The following SPATC1L variants were observed in gnomAD, a reference collection of about 807,000 sequenced individuals.
The protein encoded by SPATC1L is speriolin-like protein.
A neutral mutation model predicts 21.2 loss-of-function variants in SPATC1L; 20 were observed. The ratio of observed to expected loss-of-function variants is 0.94; its 90% confidence interval spans 0.66 to 1.37. SPATC1L has a LOEUF of 1.37. SPATC1L is among the 40% of genes most tolerant of loss of function. The probability of loss-of-function intolerance (pLI) is 0.00; values close to 1 mark genes in which losing one functional copy is unlikely to be tolerated. For synonymous variants in SPATC1L, 290 were observed against 234.5 expected (o/e 1.24, Z -2.16); for missense variants, 499 against 478.7 (o/e 1.04, Z -0.40).
chr21:46,169,483 TG>T (rs1232776419), intron 2 of SPATC1L, among the ~76,000 whole-genome samples: 4 of 129,590 alleles, frequency 3.1e-5, no homozygotes, highest in African/African-American at 1.3e-4. Context: ...TCCTGCTCTG[TG>T]AGCATCCTCT....
Position 46,161,579 on chromosome 21 carries a change from T to C in SPATC1L, c.823A>G (p.Ser275Gly), listed in dbSNP as rs949595534. 4 of 1,610,326 alleles carry C rather than the reference T, an allele frequency of 2.5e-6. No individual in the cohort carries two copies. The highest frequency in any genetic ancestry group is 3.4e-6 in the Non-Finnish European group (4 of 1,178,974). The change falls in exon 5 of 5, where the codon AGC (serine) becomes GGC (glycine). Residue 275 changes from serine (S) to glycine (G), a missense_variant. By Grantham distance (56) the Ser-to-Gly change is moderately conservative. Transcript: ENST00000291672. ...CCGTAGGTGTTGATGAGGAACTCGCTGAACGCCGGGTGCACGTCGCGGCTG... is the reference window on the plus strand; with the variant it reads ...CCGTAGGTGTTGATGAGGAACTCGCCGAACGCCGGGTGCACGTCGCGGCTG... ...GYSRDVHPAF[S>G]EFLINTYGIL...
At chr21:46,163,788 C>T (rs1250133250) in intron 3 of SPATC1L, among the ~76,000 whole-genome samples, 1 of 152,142 alleles carries the variant, frequency 6.6e-6, no homozygotes, top group African/African-American at 2.4e-5. Flanking sequence ...TCAATGTTCT[C>T]CTTTTTCAAG....
intron 3 of SPATC1L, among the ~76,000 whole-genome samples, chr21:46,167,052 A>C (rs2079546051): frequency 6.6e-6 from 1 of 152,208 alleles, no homozygotes. Flanking sequence ...AAAATCAAAA[A>C]AATTGAAATT....
chr21:46,162,829 C>T (rs1470428482), intron 3 of SPATC1L, among the ~76,000 whole-genome samples: 7 of 152,176 alleles, frequency 4.6e-5, no homozygotes, highest in South Asian at 4.1e-4. Flanking sequence ...TCAGGTGATC[C>T]GCCCACCTCA....
intron 2 of SPATC1L, among the ~76,000 whole-genome samples, chr21:46,178,584 T>C (rs545754160): frequency 6.6e-6 from 1 of 152,136 alleles, no homozygotes; most frequent in South Asian, 2.1e-4. Context: ...AACTTAAAAG[T>C]TTTTTAAAAA....
At position 46,182,704 on chromosome 21, in the gene SPATC1L, C is replaced by G; in HGVS notation, c.113G>C (p.Ser38Thr). The change falls in exon 2 of 5, where the codon AGC (serine) becomes ACC (threonine). Residue 38 changes from serine to threonine, a missense_variant. Coordinates refer to ENST00000291672, the MANE Select transcript of SPATC1L (RefSeq NM_001142854.2). Reference protein sequence around the residue: ...NQMLRRLLSQSCQEGGGHDLL... With the variant: ...NQMLRRLLSQTCQEGGGHDLL... The stretch of plus-strand genomic sequence containing the variant: ...GTCGTGGCCGCCGCCCTCCTGGCAG[C>G]TCTGGCTGAGCAGCCGCCGCAGCAT... 1 of 1,545,538 alleles carries G rather than the reference C, an allele frequency of 6.5e-7. No homozygotes were observed. The highest frequency in any genetic ancestry group is 1.2e-5 in the South Asian group (1 of 83,910).
rs560027703 is a variant in SPATC1L, at chr21:46,170,884, T to A, written c.194-2226A>T. Among the ~76,000 whole-genome samples the A allele has an allele frequency of 6.0e-3, 890 of 149,160 alleles. 3 individuals are homozygous for A. Among genetic ancestry groups the A allele is most frequent in the African/African-American group, 0.021 (845 of 39,408 alleles). On this transcript the variant is annotated intron_variant, in intron 2 of 4. Transcript: ENST00000291672. ...TGGATGGGGAGGAGCCTCCCTGCTC[T>A]GTGAACATCCTCTGTGGATGGGGAG...
intron 2 of SPATC1L, among the ~76,000 whole-genome samples, chr21:46,179,993 G>A (rs2079660215): frequency 1.3e-5 from 2 of 152,254 alleles, no homozygotes; most frequent in African/African-American, 4.8e-5. Context: ...GTGGGGTGTA[G>A]GGACCGTTCA....
chr21:46,168,346 G>A lies in SPATC1L; in HGVS notation c.506C>T (p.Pro169Leu). The change falls in exon 3 of 5, where the codon CCC becomes CTC. Residue 169 changes from proline to leucine, a missense_variant. Coordinates refer to ENST00000291672, the MANE Select transcript of SPATC1L (RefSeq NM_001142854.2). ...GCTCCTCCTGGTCCTGTCCCCGGTG[G>A]GCAGGCTGCTCTCCGAGAAACACAC... The part of the protein sequence containing the change: ...KKVCFSESSL[P>L]TGDRTRRSYY... 1.2e-6 allele frequency: 2 copies of A among 1,600,466 alleles called. No individual in the cohort carries two copies. The highest frequency in any genetic ancestry group is 2.2e-5 in the East Asian group (1 of 44,474).
intron 3 of SPATC1L, among the ~76,000 whole-genome samples, chr21:46,162,373 C>T (rs1205327109): frequency 6.6e-6 from 1 of 152,044 alleles, no homozygotes; most frequent in East Asian, 1.9e-4. Context: ...TCGGCCCCTG[C>T]GAGGACAGAG....
At position 46,171,939 on chromosome 21, in the gene SPATC1L, G is replaced by GAA. The variant is rs66628257; in HGVS notation, c.194-3283_194-3282dup. The stretch of plus-strand genomic sequence containing the variant: ...CAAATTCCTACAAAGATAACCCCCA[G>GAA]AAAAAAAAAAAAAAAAAAAAAAACC... On this transcript the variant is annotated intron_variant, in intron 2 of 4. Coordinates refer to ENST00000291672, the MANE Select transcript of SPATC1L (RefSeq NM_001142854.2). Among the ~76,000 whole-genome samples, 530 of 67,778 alleles carry GAA rather than the reference G, an allele frequency of 7.8e-3. 18 individuals carry two copies. The highest frequency in any genetic ancestry group is 0.027 in the African/African-American group (488 of 17,984). The allele number at this position is 67,778 out of a possible 152,430, so 44.5% of individuals were successfully genotyped here.
chr21:46,178,094 T>A (rs772366215), intron 2 of SPATC1L, among the ~76,000 whole-genome samples: 3 of 151,954 alleles, frequency 2.0e-5, no homozygotes, highest in Non-Finnish European at 4.4e-5. Flanking sequence ...TAGCTGGGCA[T>A]GGTGGTGCAT....
chr21:46,173,056 A>G (rs13046028), intron 2 of SPATC1L, among the ~76,000 whole-genome samples: 143,228 of 152,274 alleles, frequency 0.94, 67,458 homozygotes, highest in East Asian at 1. Flanking sequence ...CAGCTGAAGC[A>G]GAACCCAGAG....
chr21:46,167,008 T>C (rs906714721), intron 3 of SPATC1L, among the ~76,000 whole-genome samples: 5 of 152,204 alleles, frequency 3.3e-5, no homozygotes, highest in South Asian at 2.1e-4. Context: ...TTCTCAAGGA[T>C]AGACCATATG....
At chr21:46,168,703 A>G (rs2079559837) in intron 2 of SPATC1L, 45 bp from the exon 3 acceptor site, 1 of 1,266,178 alleles carries the variant, frequency 7.9e-7, no homozygotes, top group African/African-American at 1.5e-5. Context: ...TGATGCTCCT[A>G]AAACATTCCT....
At chr21:46,179,116 C>A (rs1490237528) in intron 2 of SPATC1L, among the ~76,000 whole-genome samples, 1 of 151,434 alleles carries the variant, frequency 6.6e-6, no homozygotes, top group Non-Finnish European at 1.5e-5. Flanking sequence ...CTCATGGTGG[C>A]AAGCACTGTA....
Position 46,168,539 on chromosome 21 carries a change from C to A in SPATC1L, c.313G>T (p.Gly105Cys). 6.6e-7 allele frequency: 1 copy of A among 1,517,240 alleles called. No individual in the cohort carries two copies. The highest frequency in any genetic ancestry group is 8.9e-7 in the Non-Finnish European group (1 of 1,121,272). The allele number at this position is 1,517,240 out of a possible 1,614,324, so 94.0% of individuals were successfully genotyped here. ...PLSSEDDTSP[G>C]CAAPSQAPFK... ...GGTGCCTGGGAGGGGGCTGCACAGC[C>A]CGGGGAGGTGTCGTCCTCGCTGGAC... is the stretch of plus-strand genomic sequence containing the variant. Residue 105 changes from glycine to cysteine, a missense_variant, in exon 3 of 5, where the codon GGC becomes TGC. Physicochemically the swap from Gly to Cys is radical, Grantham distance 159. Transcript: ENST00000291672.
At chr21:46,173,757 C>A (rs1312706348) in intron 2 of SPATC1L, among the ~76,000 whole-genome samples, 1 of 152,160 alleles carries the variant, frequency 6.6e-6, no homozygotes, top group African/African-American at 2.4e-5. Flanking sequence ...CCATCCCCAC[C>A]CCAGCTGCTT....
intron 2 of SPATC1L, among the ~76,000 whole-genome samples, chr21:46,179,105 G>A (rs952402689): frequency 3.3e-5 from 5 of 150,956 alleles, no homozygotes; most frequent in African/African-American, 7.4e-5. Flanking sequence ...TTAACTAGCC[G>A]CTCATGGTGG....
Sources: allele counts gnomAD v4.1 joint callset (sites outside exome capture counted in the v4.1 genomes callset), GRCh38; gene constraint gnomAD v4.1.1; transcripts MANE v1.5; gene names NCBI Gene and HGNC (gene_info 2026-07-23, HGNC 2026-07-21).